Variants in MAGI2 observed in about 807,000 individuals in gnomAD.
MAGI2 encodes membrane-associated guanylate kinase, WW and PDZ domain-containing protein 2.
Under a neutral mutation model 133.3 loss-of-function variants are expected in MAGI2, and 35 were observed. That is an observed-to-expected ratio of 0.26 (90% CI 0.20 to 0.35). The LOEUF is 0.35. Ranked by LOEUF, MAGI2 falls within the 10% of genes least tolerant of loss-of-function variation. The pLI is 1.00. For missense variants in MAGI2, 1,636 were observed against 1,863.4 expected, an observed-to-expected ratio of 0.88 and a Z score of 2.25; for synonymous variants, 729 against 710.6, an observed-to-expected ratio of 1.03 and a Z score of -0.41.
At chr7:78,198,761 T>C (rs1283031262) in intron 11 of MAGI2, among the ~76,000 whole-genome samples, 4 of 152,200 alleles carry the variant, frequency 2.6e-5, no homozygotes, top group African/African-American at 9.6e-5. Context: ...GTCCAGAAAC[T>C]GTTTTCTTAC....
At chr7:78,934,389 C>A (rs1800361746) in intron 2 of MAGI2, among the ~76,000 whole-genome samples, 1 of 152,142 alleles carries the variant, frequency 6.6e-6, no homozygotes, top group South Asian at 2.1e-4. Context: ...CAGGCCTGAG[C>A]TACCGTGCCC....
At chr7:79,014,510 T>C (rs1808493942) in intron 1 of MAGI2, among the ~76,000 whole-genome samples, 1 of 152,122 alleles carries the variant, frequency 6.6e-6, no homozygotes, top group Non-Finnish European at 1.5e-5. Context: ...TTTAATTACC[T>C]AACTCTTACA....
In MAGI2 at chr7:79,439,349, A is replaced by T. The variant is rs982790135; in HGVS notation, c.301+13671T>A. On this transcript the variant is annotated intron_variant, in intron 1 of 21. Transcript: ENST00000354212. ...TGGATTCTAATAACCACCCTCTAAC[A>T]TGAGGAGACTGAGGCTCAGAAAATG... Among the ~76,000 whole-genome samples the T allele has an allele frequency of 2.6e-5, 4 of 152,070 alleles. No individual in the cohort carries two copies. The East Asian group carries it at 5.8e-4, about 22-fold the overall frequency.
rs75938315 is a variant in MAGI2 at position 78,466,672 on chromosome 7, G to A, written c.1045+23089C>T. The stretch of plus-strand genomic sequence containing the variant: ...AGTAAACTGTGAAAAGGTATAGGCA[G>A]GAAAATTGCTGGTACTTACTGAGGG... On this transcript the variant is annotated intron_variant, in intron 6 of 21. Transcript: ENST00000354212. Among the ~76,000 whole-genome samples the A allele has an allele frequency of 3.7e-3, 566 of 152,260 alleles. 4 individuals carry two copies. Among genetic ancestry groups the A allele is most frequent in the African/African-American group, 0.013 (540 of 41,558 alleles).
chr7:78,916,676 A>C (rs969638082), intron 2 of MAGI2, among the ~76,000 whole-genome samples: 1 of 152,134 alleles, frequency 6.6e-6, no homozygotes, highest in African/African-American at 2.4e-5. Context: ...AATGGAAAGA[A>C]ATAAACAAAC....
chr7:79,032,703 G>A (rs1400814627), intron 1 of MAGI2, among the ~76,000 whole-genome samples: 1 of 151,824 alleles, frequency 6.6e-6, no homozygotes, highest in Non-Finnish European at 1.5e-5. Flanking sequence ...TAAGCCTGCA[G>A]CAAAGGACAT....
At chr7:78,173,619 T>G (rs1026050296) in intron 14 of MAGI2, among the ~76,000 whole-genome samples, 5 of 152,236 alleles carry the variant, frequency 3.3e-5, no homozygotes, top group Non-Finnish European at 7.3e-5. Context: ...TTTGTATTTC[T>G]TAATGGGAGA....
At chr7:78,724,682 T>C (rs1482579247) in intron 2 of MAGI2, among the ~76,000 whole-genome samples, 2 of 152,340 alleles carry the variant, frequency 1.3e-5, no homozygotes, top group African/African-American at 4.8e-5. Flanking sequence ...TCTGAAATGC[T>C]TTCCTAGCAT....
chr7:78,248,502 C>T (rs1246638523), intron 10 of MAGI2, among the ~76,000 whole-genome samples: 3 of 151,996 alleles, frequency 2.0e-5, no homozygotes, highest in Non-Finnish European at 4.4e-5. Context: ...AAACAAGATC[C>T]AACTATATGC....
intron 9 of MAGI2, among the ~76,000 whole-genome samples, chr7:78,263,726 T>C (rs1170259277): frequency 3.3e-5 from 5 of 152,160 alleles, no homozygotes; most frequent in African/African-American, 1.2e-4. Flanking sequence ...TCATCTCCCA[T>C]ACCATACACT....
intron 1 of MAGI2, among the ~76,000 whole-genome samples, chr7:79,168,129 T>C (rs565028929): frequency 1.3e-5 from 2 of 152,232 alleles, no homozygotes; most frequent in East Asian, 3.9e-4. Flanking sequence ...TGTTAATAAA[T>C]ATGTGGGTAA....
At chr7:78,308,527 CTT>C (rs910151801) in intron 9 of MAGI2, among the ~76,000 whole-genome samples, 1 of 145,760 alleles carries the variant, frequency 6.9e-6, no homozygotes. Context: ...TCCGACCCAT[CTT>C]TTTTTTTTTC....
chr7:78,732,219 A>G (rs113584517), intron 2 of MAGI2, among the ~76,000 whole-genome samples: 7,329 of 152,210 alleles, frequency 0.048, 254 homozygotes, highest in Admixed American at 0.1. Context: ...CCTTCTGTTT[A>G]TCTCCCAAGA....
intron 7 of MAGI2, among the ~76,000 whole-genome samples, chr7:78,366,271 C>T (rs534344044): frequency 5.9e-4 from 89 of 152,108 alleles, no homozygotes; most frequent in African/African-American, 2.1e-3. Context: ...GATATTAATG[C>T]TATCACTATA....
At chr7:78,043,377 A>G (rs62461163) in intron 21 of MAGI2, among the ~76,000 whole-genome samples, 10,179 of 152,236 alleles carry the variant, frequency 0.067, 345 homozygotes, top group South Asian at 0.078. Context: ...ATACCTGCGT[A>G]GCCAGTTTGT....
intron 20 of MAGI2, among the ~76,000 whole-genome samples, chr7:78,124,005 C>T (rs1820719514): frequency 6.6e-6 from 1 of 152,134 alleles, no homozygotes; most frequent in African/African-American, 2.4e-5. Flanking sequence ...GCTTCTTTGC[C>T]TTGGGAGTAC....
At chr7:79,007,276 A>C (rs1807555155) in intron 1 of MAGI2, 70 bp from the exon 2 acceptor site, 2 of 861,462 alleles carry the variant, frequency 2.3e-6, no homozygotes, top group Non-Finnish European at 3.8e-6. Context: ...TGATTCTGTC[A>C]TCAATATACT....
chr7:78,120,367 C>T (rs1348994896), intron 20 of MAGI2, among the ~76,000 whole-genome samples: 1 of 152,178 alleles, frequency 6.6e-6, no homozygotes, highest in Non-Finnish European at 1.5e-5. Flanking sequence ...TGTGCCACTG[C>T]ACTCCAGCCC....
At chr7:79,443,810 A>T (rs577374836) in intron 1 of MAGI2, among the ~76,000 whole-genome samples, 1 of 152,206 alleles carries the variant, frequency 6.6e-6, no homozygotes, top group Non-Finnish European at 1.5e-5. Context: ...TTCAAACACA[A>T]TGTAATATAA....
Sources: allele counts gnomAD v4.1 joint callset (sites outside exome capture counted in the v4.1 genomes callset), GRCh38; gene constraint gnomAD v4.1.1; transcripts MANE v1.5; gene names NCBI Gene and HGNC (gene_info 2026-07-23, HGNC 2026-07-21).